Variants in FAM53A observed in about 807,000 individuals in gnomAD.
FAM53A encodes family with sequence similarity 53 member A.
FAM53A carries 28 observed loss-of-function variants against 26.6 expected under a neutral mutation model. That is an observed-to-expected ratio of 1.05 (90% CI 0.78 to 1.45). The LOEUF (loss-of-function observed/expected upper bound fraction) is 1.45. Ranked by LOEUF, FAM53A falls within the 40% of genes most tolerant of loss-of-function variation. FAM53A has a pLI of 0.00. For synonymous variants in FAM53A, 290 were observed against 253.1 expected (o/e 1.15, Z -1.38); for missense variants, 650 against 575.8 (o/e 1.13, Z -1.32).
chr4:1,611,896 G>A, the FAM53A span, among the ~76,000 whole-genome samples: 33,296 of 152,228 alleles, frequency 0.22, 4,167 homozygotes, highest in Non-Finnish European at 0.28. Context: ...TCCTTGACCC[G>A]TGCCTGGCAG....
chr4:1,623,575 G>A (rs927152600), intron 1 of FAM53A, among the ~76,000 whole-genome samples: 1 of 152,220 alleles, frequency 6.6e-6, no homozygotes, highest in Admixed American at 6.5e-5. Context: ...CCTGCGGTGG[G>A]TGGCGGCTGC....
rs955044174 is a variant in FAM53A, at chr4:1,655,549, T to C, written c.311A>G (p.Asp104Gly). The C allele has an allele frequency of 1.3e-5, 20 of 1,567,672 alleles. No individual in the cohort carries two copies. The Middle Eastern group carries it at 6.8e-4, about 53-fold the overall frequency. ...GAGLGAASTV[D>G]PSESTGSSTA... ...GGACGAGCCTGTGCTTTCACTGGGGTCCACGGTGCTGGCTGCACCCAGGCC... is the reference window on the plus strand; with the variant it reads ...GGACGAGCCTGTGCTTTCACTGGGGCCCACGGTGCTGGCTGCACCCAGGCC... Residue 104 changes from aspartate to glycine, a missense_variant, in exon 4 of 5, where the codon GAC (aspartate) becomes GGC (glycine). Coordinates refer to ENST00000308132, the MANE Select transcript of FAM53A (RefSeq NM_001174070.3).
chr4:1,634,831 C>T lies in FAM53A; in HGVS notation c.432-16720G>A, dbSNP rs549309801. Among the ~76,000 whole-genome samples, 5 of 151,584 alleles carry T rather than the reference C, an allele frequency of 3.3e-5. No homozygotes were observed. The East Asian group carries it at 7.8e-4, about 24-fold the overall frequency. ...AGGGGAACTGCTTGAACCCAGGAGA[C>T]AGAGATTGCAGTGAGTCAAGATCAC... is the stretch of plus-strand genomic sequence containing the variant. On this transcript the variant is annotated intron_variant, in intron 1 of 1. Coordinates refer to the FAM53A transcript ENST00000489029.
chr4:1,669,442 T>A (rs1177006355), intron 1 of FAM53A, among the ~76,000 whole-genome samples: 1 of 151,602 alleles, frequency 6.6e-6, no homozygotes, highest in Non-Finnish European at 1.5e-5. Context: ...GCTCAGGGGG[T>A]CTTTCAGGCT....
chr4:1,650,652 T>G (rs982717525), intron 4 of FAM53A, among the ~76,000 whole-genome samples: 2 of 151,780 alleles, frequency 1.3e-5, no homozygotes, highest in Non-Finnish European at 2.9e-5. Flanking sequence ...CCCACCATCA[T>G]GCCCAGCAAA....
the FAM53A span, among the ~76,000 whole-genome samples, chr4:1,602,361 G>A: frequency 6.6e-6 from 1 of 152,250 alleles, no homozygotes; most frequent in African/African-American, 2.4e-5. Context: ...CGGTCTTGCC[G>A]TCAATTCCCT....
At chr4:1,645,822 C>G (rs1218677937) in intron 4 of FAM53A, among the ~76,000 whole-genome samples, 1 of 152,216 alleles carries the variant, frequency 6.6e-6, no homozygotes, top group Non-Finnish European at 1.5e-5. Flanking sequence ...CGGTCTGCGC[C>G]GTCTCAAACA....
the FAM53A span, among the ~76,000 whole-genome samples, chr4:1,586,955 C>T: frequency 2.4e-4 from 36 of 152,280 alleles, no homozygotes; most frequent in East Asian, 6.9e-3. Flanking sequence ...GGTGATATCT[C>T]ACTGGGATTT....
the FAM53A span, among the ~76,000 whole-genome samples, chr4:1,609,824 A>G: frequency 5.9e-5 from 9 of 151,822 alleles, no homozygotes; most frequent in African/African-American, 1.5e-4. Context: ...TTAGCCAGGC[A>G]TGGTGGCAGG....
chr4:1,670,369 G>T (rs6829745), intron 1 of FAM53A, among the ~76,000 whole-genome samples: 49,957 of 152,152 alleles, frequency 0.33, 9,707 homozygotes, highest in East Asian at 0.68. Flanking sequence ...CAACACAGCA[G>T]CGACGCGCAC....
chr4:1,593,829 A>G, the FAM53A span, among the ~76,000 whole-genome samples: 1 of 152,148 alleles, frequency 6.6e-6, no homozygotes, highest in East Asian at 1.9e-4. Flanking sequence ...AAAATTAAGT[A>G]TTGATCAAAT....
At chr4:1,664,369 C>A in intron 2 of FAM53A, among the ~76,000 whole-genome samples, 1 of 152,126 alleles carries the variant, frequency 6.6e-6, no homozygotes, top group East Asian at 1.9e-4. Context: ...CTCACTGAGG[C>A]CGGGCCATGG....
chr4:1,605,768 G>C, the FAM53A span, among the ~76,000 whole-genome samples: 1 of 152,192 alleles, frequency 6.6e-6, no homozygotes, highest in East Asian at 1.9e-4. This position sits in a 1 kb window ranked among gnomAD's most constrained non-coding sequence, Gnocchi z 5.7. Context: ...TGAAACCCTG[G>C]GGCGGGCACA....
chr4:1,634,723 C>T lies in FAM53A; in HGVS notation c.432-16612G>A, dbSNP rs555581914. Among the ~76,000 whole-genome samples, 17 of 151,574 alleles carry T rather than the reference C, an allele frequency of 1.1e-4. No homozygotes were observed. The East Asian group carries it at 3.3e-3, about 29-fold the overall frequency. Reference sequence around the variant, plus strand: ...GACCAGCCTGGCCAACATGGTGAAACCCCGTCTCTACTAAAAACACAAAAA... The same window carrying T: ...GACCAGCCTGGCCAACATGGTGAAATCCCGTCTCTACTAAAAACACAAAAA... On this transcript the variant is annotated intron_variant, in intron 1 of 1. Transcript: ENST00000489029.
chr4:1,582,246 A>G, the FAM53A span, among the ~76,000 whole-genome samples: 1 of 152,242 alleles, frequency 6.6e-6, no homozygotes, highest in Non-Finnish European at 1.5e-5. Flanking sequence ...GCAGTGTGGC[A>G]GGGCAGATGC....
At chr4:1,668,531 C>CG in intron 2 of FAM53A, 136 bp downstream of exon 2, 1 of 827,680 alleles carries the variant, frequency 1.2e-6, no homozygotes, top group Non-Finnish European at 1.9e-6. Flanking sequence ...GTGCACCAGA[C>CG]ACCCCCATCC....
At chr4:1,674,002 A>T (rs1168703857) in intron 1 of FAM53A, among the ~76,000 whole-genome samples, 1 of 152,244 alleles carries the variant, frequency 6.6e-6, no homozygotes, top group Non-Finnish European at 1.5e-5. Context: ...GTCATCACCG[A>T]CACGTGTGTT....
chr4:1,676,887 T>C (rs1434731585), intron 1 of FAM53A, among the ~76,000 whole-genome samples: 1 of 152,124 alleles, frequency 6.6e-6, no homozygotes, highest in Non-Finnish European at 1.5e-5. Flanking sequence ...TTCTCCAAAG[T>C]TCATAATTCC....
chr4:1,638,386 G>A (rs1028847082), downstream of FAM53A, among the ~76,000 whole-genome samples: 16 of 152,096 alleles, frequency 1.1e-4, no homozygotes, highest in African/African-American at 2.4e-4. Flanking sequence ...ACAGCAGGTC[G>A]GCACTGCAGA....
Sources: gnomAD v4.1 joint callset for allele counts (sites outside exome capture counted in the v4.1 genomes callset) on GRCh38, gnomAD v4.1.1 for gene constraint, Gnocchi (gnomAD v3.1) non-coding constraint, MANE v1.5 for transcripts, NCBI Gene and HGNC (gene_info 2026-07-23, HGNC 2026-07-21) for gene names.